LAMB3: variants seen among roughly 807,000 people sequenced by gnomAD.
LAMB3 encodes laminin subunit beta-3.
Under a neutral mutation model 140.3 loss-of-function variants are expected in LAMB3, and 104 were observed. The observed-to-expected ratio is 0.74, with a 90% CI of 0.63 to 0.87. LAMB3 has a LOEUF of 0.87. LAMB3 is among the 40% of genes least tolerant of loss of function. The probability of loss-of-function intolerance (pLI) is 0.00; values close to 1 mark genes in which losing one functional copy is unlikely to be tolerated. For missense variants in LAMB3, 1,531 were observed against 1,575.2 expected (o/e 0.97, Z 0.47); for synonymous variants, 592 against 602.9 (o/e 0.98, Z 0.26).
Position 209,633,013 on chromosome 1 carries a change from A to G in LAMB3, c.628+57T>C. The G allele has an allele frequency of 3.7e-6, 5 of 1,349,822 alleles. No individual in the cohort carries two copies. In the South Asian group the frequency reaches 5.8e-5, roughly 16 times the overall value. The allele number at this position is 1,349,822 out of a possible 1,614,324, so 83.6% of individuals were successfully genotyped here. ...AGGAAATTTCCATGACCTGGGCTCC[A>G]ACTCTGTTTCCTTTCCCACCCATAG... On this transcript the variant is annotated intron_variant, in intron 7 of 22. Transcript: ENST00000356082.
In LAMB3 at chr1:209,623,641, T is replaced by A; in HGVS notation, c.2222A>T (p.Gln741Leu). Residue 741 changes from glutamine to leucine, a missense_variant, in exon 16 of 23, where the codon CAG becomes CTG. Coordinates refer to ENST00000356082, the MANE Select transcript of LAMB3 (RefSeq NM_000228.3). The surrounding 1 kb of genome is among the most constrained non-coding windows in gnomAD (Gnocchi z 4.2). ...TGCCTCTCTCCGGCTGTCCCTGAGC[T>A]GGTCCAAAAGGCGCGAGCTGTCGGA... Reference protein sequence around the residue: ...QVSDSSRLLDQLRDSRREAER... With the variant: ...QVSDSSRLLDLLRDSRREAER... 1 of 1,614,200 alleles carries A rather than the reference T, an allele frequency of 6.2e-7. No homozygotes were observed. The highest frequency in any genetic ancestry group is 8.5e-7 in the Non-Finnish European group (1 of 1,180,028).
chr1:209,641,898 G>A (rs577523822), intron 3 of LAMB3, among the ~76,000 whole-genome samples: 9 of 151,950 alleles, frequency 5.9e-5, no homozygotes, highest in South Asian at 2.1e-4. Flanking sequence ...TTCCACTCCC[G>A]TCCTCTGTCT....
chr1:209,622,341 C>T (rs1289931854), intron 18 of LAMB3, among the ~76,000 whole-genome samples, 195 bp downstream of exon 18: 4 of 152,112 alleles, frequency 2.6e-5, no homozygotes, highest in Non-Finnish European at 5.9e-5. Flanking sequence ...GAGAATGGGT[C>T]ACAAGGGATT....
intron 1 of LAMB3, 137 bp from the exon 2 acceptor site, chr1:209,651,118 G>T: frequency 1.4e-6 from 1 of 701,562 alleles, no homozygotes; most frequent in Non-Finnish European, 2.6e-6. Flanking sequence ...ACTTGGAGCA[G>T]CAGATACATT....
intron 3 of LAMB3, among the ~76,000 whole-genome samples, chr1:209,642,758 T>G (rs6664125): frequency 0.036 from 5,409 of 152,280 alleles, 314 homozygotes; most frequent in African/African-American, 0.12. Context: ...AGATTACAGG[T>G]GTGAGCCACT....
Position 209,622,570 on chromosome 1 carries a change from C to A in LAMB3, c.2667G>T (p.Arg889=), listed in dbSNP as rs1666239335. Residue 889 remains arginine, a synonymous_variant, in exon 18 of 23, where the codon CGG becomes CGT. Coordinates refer to ENST00000356082, the MANE Select transcript of LAMB3 (RefSeq NM_000228.3). ...SQMEEDVRRT[R]LLIQQVRDFL... ...AGTCCCGGACCTGCTGGATTAGGAG[C>A]CGTGTGCGTCTGACATCTTCCTCCA... 6.2e-7 allele frequency: 1 copy of A among 1,613,934 alleles called. No individual in the cohort carries two copies. Among genetic ancestry groups the A allele is most frequent in the Non-Finnish European group, 8.5e-7 (1 of 1,180,014 alleles).
rs1166809696 is a variant in LAMB3 at position 209,625,643 on chromosome 1, A to T, written c.1976+5T>A. The T allele has an allele frequency of 6.2e-7, 1 of 1,614,122 alleles. No homozygotes were observed. The highest frequency in any genetic ancestry group is 1.3e-5 in the African/African-American group (1 of 75,056). On this transcript the variant is annotated splice_donor_5th_base_variant and intron_variant, in intron 14 of 22. Transcript: ENST00000356082. ...TGCAAATGCTTGGCAGGGAAAGGGAATTACCTGAGGGAGAGGATGGCACTG... is the reference window on the plus strand; with the variant it reads ...TGCAAATGCTTGGCAGGGAAAGGGATTTACCTGAGGGAGAGGATGGCACTG...
intron 3 of LAMB3, among the ~76,000 whole-genome samples, chr1:209,642,594 T>C (rs534515621): frequency 6.6e-6 from 1 of 152,282 alleles, no homozygotes; most frequent in Non-Finnish European, 1.5e-5. Context: ...TTCTCCCGCC[T>C]CGGCCTCCCG....
At position 209,634,549 on chromosome 1, in the gene LAMB3, G is replaced by T. The variant is rs375815552; in HGVS notation, c.462C>A (p.Thr154=). Residue 154 remains threonine (T), a synonymous_variant, in exon 6 of 23, where the codon ACC becomes ACA. Coordinates refer to ENST00000356082, the MANE Select transcript of LAMB3 (RefSeq NM_000228.3). Reference sequence around the variant, plus strand: ...CCTGGCGGACCCGAGGGAAGGTGGAGGTGCAGTCGGCAGCCAGGTACTGGT... The same window carrying T: ...CCTGGCGGACCCGAGGGAAGGTGGATGTGCAGTCGGCAGCCAGGTACTGGT... ...RVYQYLAADC[T]STFPRVRQGR... 6.2e-7 allele frequency: 1 copy of T among 1,614,016 alleles called. No individual in the cohort carries two copies. The highest frequency in any genetic ancestry group is 8.5e-7 in the Non-Finnish European group (1 of 1,180,030).
chr1:209,640,807 C>A (rs567997857), intron 3 of LAMB3, among the ~76,000 whole-genome samples: 1 of 151,558 alleles, frequency 6.6e-6, no homozygotes, highest in East Asian at 2.0e-4. Flanking sequence ...ACAGGCCAGG[C>A]GCGGTGGCTC....
intron 10 of LAMB3, 104 bp from the exon 11 acceptor site, chr1:209,628,294 G>T: frequency 1.5e-6 from 2 of 1,309,382 alleles, no homozygotes; most frequent in East Asian, 2.5e-5. Context: ...TCCACCACTG[G>T]ATTTCAAATT....
intron 3 of LAMB3, among the ~76,000 whole-genome samples, chr1:209,645,018 G>A (rs750362224): frequency 2.0e-5 from 3 of 152,092 alleles, no homozygotes; most frequent in Non-Finnish European, 2.9e-5. Context: ...GTTTGTCTTC[G>A]GGCCTTCCCA....
intron 8 of LAMB3, among the ~76,000 whole-genome samples, chr1:209,631,624 A>G: frequency 6.6e-6 from 1 of 152,208 alleles, no homozygotes; most frequent in East Asian, 1.9e-4. Flanking sequence ...AAAAGTGGTG[A>G]TTCCACTGCA....
chr1:209,632,511 G>A (rs1351862587), intron 8 of LAMB3, 72 bp downstream of exon 8: 2 of 1,207,562 alleles, frequency 1.7e-6, no homozygotes, highest in South Asian at 1.3e-5. Context: ...TGCTTTACAG[G>A]AGCCCCAAGA....
intron 4 of LAMB3, among the ~76,000 whole-genome samples, chr1:209,638,217 T>G (rs574947458): frequency 6.6e-6 from 1 of 152,332 alleles, no homozygotes; most frequent in South Asian, 2.1e-4. Context: ...TTCAATACTT[T>G]GGAGGGCTTC....
At chr1:209,628,386 A>C (rs1191668638) in intron 10 of LAMB3, among the ~76,000 whole-genome samples, 196 bp from the exon 11 acceptor site, 1 of 152,248 alleles carries the variant, frequency 6.6e-6, no homozygotes, top group Non-Finnish European at 1.5e-5. Context: ...CAGCCTTCAT[A>C]GGCTTCTTAT....
intron 22 of LAMB3, 126 bp downstream of exon 22, chr1:209,616,345 A>G: frequency 9.1e-7 from 1 of 1,100,840 alleles, no homozygotes; most frequent in Non-Finnish European, 1.4e-6. Flanking sequence ...CCCAGAAAAA[A>G]TCTCATTTGA....
At chr1:209,630,880 G>C (rs752365982) in intron 8 of LAMB3, 145 bp from the exon 9 acceptor site, 2 of 901,634 alleles carry the variant, frequency 2.2e-6, no homozygotes, top group Non-Finnish European at 3.5e-6. Context: ...TCTGAATGCC[G>C]CAGACTTCAC....
intron 18 of LAMB3, 128 bp downstream of exon 18, chr1:209,622,408 G>T: frequency 9.0e-7 from 1 of 1,108,322 alleles, no homozygotes; most frequent in Non-Finnish European, 1.4e-6. Flanking sequence ...TGGTGCCAAG[G>T]AGAAGTGGAG....
Sources: allele counts gnomAD v4.1 joint callset (sites outside exome capture counted in the v4.1 genomes callset), GRCh38; gene constraint gnomAD v4.1.1; non-coding constraint Gnocchi (gnomAD v3.1); transcripts MANE v1.5; gene names NCBI Gene and HGNC (gene_info 2026-07-23, HGNC 2026-07-21).